The following MNAT1 variants were observed in gnomAD, a reference collection of about 807,000 sequenced individuals.
MNAT1 encodes the protein CDK-activating kinase assembly factor MAT1.
A neutral mutation model predicts 42.0 loss-of-function variants in MNAT1; 43 were observed. The ratio of observed to expected loss-of-function variants is 1.02; its 90% CI spans 0.80 to 1.32. MNAT1 has a LOEUF of 1.32. Among genes scored for constraint, MNAT1 ranks in the 40% most tolerant of loss-of-function variants. The probability of loss-of-function intolerance (pLI) is 0.00; values close to 1 mark genes in which losing one functional copy is unlikely to be tolerated. For missense variants in MNAT1, 306 were observed against 350.4 expected, an observed-to-expected ratio of 0.87 and a Z score of 1.01; for synonymous variants, 118 against 120.0, an observed-to-expected ratio of 0.98 and a Z score of 0.11.
At chr14:60,823,514 A>G (rs942985514) in intron 6 of MNAT1, among the ~76,000 whole-genome samples, 4 of 152,168 alleles carry the variant, frequency 2.6e-5, no homozygotes, top group South Asian at 2.1e-4. Context: ...TAAGACTTCT[A>G]TTACCTTTAA....
chr14:60,838,199 G>A (rs1043673816), intron 6 of MNAT1, among the ~76,000 whole-genome samples: 3 of 151,790 alleles, frequency 2.0e-5, no homozygotes, highest in African/African-American at 4.8e-5. Flanking sequence ...CAGTGGGGGC[G>A]ATCACTGCTC....
At chr14:60,844,794 A>G (rs1319699609) in intron 6 of MNAT1, among the ~76,000 whole-genome samples, 1 of 152,054 alleles carries the variant, frequency 6.6e-6, no homozygotes, top group Non-Finnish European at 1.5e-5. Context: ...GATTGAGGAA[A>G]GTTCCTTCCA....
chr14:60,819,954 G>A (rs1026920948), intron 6 of MNAT1, among the ~76,000 whole-genome samples: 1 of 152,076 alleles, frequency 6.6e-6, no homozygotes, highest in Non-Finnish European at 1.5e-5. Flanking sequence ...TGATAATAAC[G>A]AGTTGATAAC....
chr14:60,735,010 C>A, intron 1 of MNAT1, 59 bp downstream of exon 1: 1 of 1,507,412 alleles, frequency 6.6e-7, no homozygotes, highest in Non-Finnish European at 9.2e-7. Flanking sequence ...GAGGAGAGGA[C>A]CGGGAGATGC....
At chr14:60,887,726 G>A (rs2034713634) in intron 7 of MNAT1, among the ~76,000 whole-genome samples, 1 of 151,998 alleles carries the variant, frequency 6.6e-6, no homozygotes, top group African/African-American at 2.4e-5. Context: ...ACAAAAGAGA[G>A]AAGAATCAAA....
At chr14:60,833,914 G>T (rs894112323) in intron 6 of MNAT1, among the ~76,000 whole-genome samples, 75 of 152,240 alleles carry the variant, frequency 4.9e-4, no homozygotes, top group Non-Finnish European at 4.4e-4. Flanking sequence ...GAGGATGTAT[G>T]TGTCCAGGAA....
chr14:60,963,272 A>G (rs2036629128), intron 7 of MNAT1, among the ~76,000 whole-genome samples: 1 of 152,102 alleles, frequency 6.6e-6, no homozygotes, highest in Admixed American at 6.5e-5. Flanking sequence ...GAGCCACCAC[A>G]CCCAGCCGGC....
At chr14:60,952,788 T>C (rs1430598731) in intron 7 of MNAT1, among the ~76,000 whole-genome samples, 6 of 152,116 alleles carry the variant, frequency 3.9e-5, no homozygotes, top group Admixed American at 3.9e-4. Context: ...GATGTGGGGC[T>C]TAGTAGAACA....
intron 3 of MNAT1, among the ~76,000 whole-genome samples, 170 bp downstream of exon 3, chr14:60,798,330 A>G (rs1311292269): frequency 1.3e-5 from 2 of 152,212 alleles, no homozygotes; most frequent in Admixed American, 6.5e-5. Context: ...AATTGAAGGC[A>G]TACTTAAGTA....
At chr14:60,796,125 T>G in intron 1 of MNAT1, 92 bp from the exon 2 acceptor site, 1 of 1,103,848 alleles carries the variant, frequency 9.1e-7, no homozygotes, top group African/African-American at 1.6e-5. Flanking sequence ...TTTTCAAGTC[T>G]CACTCTCCTT....
intron 7 of MNAT1, among the ~76,000 whole-genome samples, chr14:60,897,037 C>T (rs1394819763): frequency 3.9e-5 from 6 of 152,040 alleles, no homozygotes; most frequent in Non-Finnish European, 8.8e-5. Context: ...TGATTTTAAA[C>T]ATTTATAATT....
At position 60,894,204 on chromosome 14, in the gene MNAT1, C is replaced by T. The variant is rs1039736034; in HGVS notation, c.809+14369C>T. Among the ~76,000 whole-genome samples, 5 of 151,962 alleles carry T rather than the reference C, an allele frequency of 3.3e-5. No homozygotes were observed. In the East Asian group the frequency reaches 5.8e-4, roughly 18 times the overall value. On this transcript the variant is annotated intron_variant, in intron 7 of 7. Coordinates refer to ENST00000261245, the MANE Select transcript of MNAT1 (RefSeq NM_002431.4). ...CTGTTTCAATGTAGGACTAGGAATGCGGGCAGTAGGTTTTCTACCCCTCCT... is the reference window on the plus strand; with the variant it reads ...CTGTTTCAATGTAGGACTAGGAATGTGGGCAGTAGGTTTTCTACCCCTCCT...
chr14:60,849,193 T>C (rs2033758121), intron 6 of MNAT1, among the ~76,000 whole-genome samples: 1 of 152,208 alleles, frequency 6.6e-6, no homozygotes. Context: ...CTGACTTACA[T>C]GCTATTTTGG....
At chr14:60,813,559 C>T (rs2139355858) in intron 5 of MNAT1, among the ~76,000 whole-genome samples, 2 of 152,244 alleles carry the variant, frequency 1.3e-5, no homozygotes, top group South Asian at 2.1e-4. Context: ...CTGATTCCAC[C>T]ATATTAGTAA....
At chr14:60,809,836 G>A (rs748667673) in intron 4 of MNAT1, among the ~76,000 whole-genome samples, 1 of 151,992 alleles carries the variant, frequency 6.6e-6, no homozygotes, top group East Asian at 1.9e-4. Context: ...TGGTACCTTT[G>A]TCTGGTTTTA....
rs938804200 is a variant in MNAT1, at chr14:60,781,640, A to G, written c.90-14577A>G. 1.2e-4 allele frequency among the ~76,000 whole-genome samples: 19 copies of G among 152,152 alleles called. 1 individual carries two copies. The South Asian group carries it at 2.3e-3, about 18-fold the overall frequency. ...AATGAAATTTATCAATCTCCTTTAC[A>G]TGGTTTAAATTTTTTTAGTTACTTT... On this transcript the variant is annotated intron_variant, in intron 1 of 7. Coordinates refer to ENST00000261245, the MANE Select transcript of MNAT1 (RefSeq NM_002431.4).
At chr14:60,771,729 C>T (rs1165465830) in intron 1 of MNAT1, among the ~76,000 whole-genome samples, 1 of 152,184 alleles carries the variant, frequency 6.6e-6, no homozygotes, top group African/African-American at 2.4e-5. Flanking sequence ...CTCTTCTCTT[C>T]TAACACTACG....
intron 7 of MNAT1, among the ~76,000 whole-genome samples, chr14:60,927,114 T>C (rs953857273): frequency 6.6e-6 from 1 of 152,208 alleles, no homozygotes; most frequent in Non-Finnish European, 1.5e-5. Flanking sequence ...TTAATTTACA[T>C]GTTCAAAAGG....
In MNAT1 at chr14:60,734,898, C is replaced by G. The variant is rs1237118535; in HGVS notation, c.36C>G (p.Thr12=). The G allele has an allele frequency of 6.2e-7, 1 of 1,613,988 alleles. No individual in the cohort carries two copies. The highest frequency in any genetic ancestry group is 8.5e-7 in the Non-Finnish European group (1 of 1,180,030). Residue 12 remains threonine (T), a synonymous_variant, in exon 1 of 8, where the codon ACC becomes ACG. Coordinates refer to ENST00000261245, the MANE Select transcript of MNAT1 (RefSeq NM_002431.4). The surrounding 1 kb of genome is among the most constrained non-coding windows in gnomAD (Gnocchi z 4.3). ...DDQGCPRCKT[T]KYRNPSLKLM... Reference sequence around the variant, plus strand: ...AGGGTTGCCCTCGGTGTAAGACCACCAAATATCGGAACCCCTCCTTGAAGC... The same window carrying G: ...AGGGTTGCCCTCGGTGTAAGACCACGAAATATCGGAACCCCTCCTTGAAGC...
Sources: allele counts gnomAD v4.1 joint callset (sites outside exome capture counted in the v4.1 genomes callset), GRCh38; gene constraint gnomAD v4.1.1; non-coding constraint Gnocchi (gnomAD v3.1); transcripts MANE v1.5; gene names NCBI Gene and HGNC (gene_info 2026-07-23, HGNC 2026-07-21).